The following RYR3 variants were observed in gnomAD, a reference collection of about 807,000 sequenced individuals.
RYR3 encodes brain ryanodine receptor-calcium release channel.
In RYR3, 207 loss-of-function variants were observed where a neutral mutation model predicts 584.3. The ratio of observed to expected loss-of-function variants is 0.35; its 90% CI spans 0.32 to 0.40. RYR3 has a LOEUF of 0.40. RYR3 is among the 10% of genes least tolerant of loss of function. The pLI is 1.00. For missense variants in RYR3, 5,616 were observed against 6,089.2 expected (o/e 0.92, Z 2.59); for synonymous variants, 2,416 against 2,248.5 (o/e 1.07, Z -2.11).
At chr15:33,637,820 A>G (rs2061576805) in intron 27 of RYR3, among the ~76,000 whole-genome samples, 1 of 151,800 alleles carries the variant, frequency 6.6e-6, no homozygotes, top group East Asian at 1.9e-4. Context: ...TTATTATTAT[A>G]CTTTAAGTTT....
chr15:33,698,627 G>T (rs1879361), intron 40 of RYR3, among the ~76,000 whole-genome samples: 36 of 151,046 alleles, frequency 2.4e-4, no homozygotes, highest in African/African-American at 7.5e-4. Context: ...AGAGTGCCAG[G>T]GTCCTAGGAA....
chr15:33,831,847 G>T (rs2077697195), intron 86 of RYR3, among the ~76,000 whole-genome samples: 1 of 152,094 alleles, frequency 6.6e-6, no homozygotes, highest in African/African-American at 2.4e-5. Flanking sequence ...GGAGACTCAT[G>T]AATAGGGCTT....
intron 1 of RYR3, among the ~76,000 whole-genome samples, chr15:33,402,218 G>C (rs901469373): frequency 6.6e-6 from 1 of 152,118 alleles, no homozygotes; most frequent in African/African-American, 2.4e-5. Context: ...GAAATTATAA[G>C]ACACTAATAA....
At chr15:33,507,946 C>T (rs1199594449) in intron 3 of RYR3, among the ~76,000 whole-genome samples, 1 of 152,158 alleles carries the variant, frequency 6.6e-6, no homozygotes, top group East Asian at 1.9e-4. Context: ...TCCACTTCCT[C>T]CTGTTATACG....
intron 5 of RYR3, among the ~76,000 whole-genome samples, chr15:33,538,371 G>C (rs1373041597): frequency 6.6e-6 from 1 of 152,126 alleles, no homozygotes; most frequent in Non-Finnish European, 1.5e-5. Flanking sequence ...AGCTAGTTTG[G>C]CTTCCCTAAA....
In RYR3 at chr15:33,672,147, A is replaced by C. The variant is rs2063886192; in HGVS notation, c.5860+1591A>C. ...CCTTCTTTTTAACAGAGAGTTTGTCATGGCTGGCGGGGGGTGGGGTCCCAC... is the reference window on the plus strand; with the variant it reads ...CCTTCTTTTTAACAGAGAGTTTGTCCTGGCTGGCGGGGGGTGGGGTCCCAC... On this transcript the variant is annotated intron_variant, in intron 38 of 103. Transcript: ENST00000634891. 2.6e-5 allele frequency among the ~76,000 whole-genome samples: 4 copies of C among 152,126 alleles called. 1 individual carries two copies. The highest frequency in any genetic ancestry group is 4.2e-4 in the South Asian group (2 of 4,816).
chr15:33,535,272 AACCGTGTGT>A (rs1339245428), intron 5 of RYR3, among the ~76,000 whole-genome samples: 1 of 152,214 alleles, frequency 6.6e-6, no homozygotes, highest in Non-Finnish European at 1.5e-5. Flanking sequence ...CCAGCATCCA[AACCGTGTGT>A]ACTTGCTGTT....
intron 98 of RYR3, among the ~76,000 whole-genome samples, chr15:33,855,160 G>C (rs191542329): frequency 1.3e-5 from 2 of 151,976 alleles, no homozygotes; most frequent in Admixed American, 6.5e-5. Context: ...GATCAACCAG[G>C]AGAGGGAGGG....
intron 1 of RYR3, among the ~76,000 whole-genome samples, chr15:33,366,229 G>A (rs116253270): frequency 0.011 from 1,621 of 152,182 alleles, 32 homozygotes; most frequent in African/African-American, 0.037. Flanking sequence ...AAAAATATGG[G>A]TTGATTATTT....
At position 33,756,246 on chromosome 15, in the gene RYR3, G is replaced by C. The variant is rs141819435; in HGVS notation, c.8516-60G>C. 6.7e-4 allele frequency: 773 copies of C among 1,153,062 alleles called. 8 individuals are homozygous for C. In the East Asian group the frequency reaches 0.017, roughly 26 times the overall value. The allele number at this position is 1,153,062 out of a possible 1,614,324, so 71.4% of individuals were successfully genotyped here. ...AGAAAAGCTGCTCTGTTTCTAAAAT[G>C]TTGTGACTGATTTTTACTTCGTAAC... On this transcript the variant is annotated intron_variant, in intron 58 of 103. Transcript: ENST00000634891.
chr15:33,699,969 AT>A (rs2066180749), intron 41 of RYR3, 136 bp downstream of exon 41: 1 of 846,704 alleles, frequency 1.2e-6, no homozygotes, highest in Non-Finnish European at 1.8e-6. Context: ...ACTCTGCCTG[AT>A]TTAAAACAAT....
intron 31 of RYR3, among the ~76,000 whole-genome samples, chr15:33,650,315 T>C (rs1389388985): frequency 6.6e-6 from 1 of 152,122 alleles, no homozygotes; most frequent in African/African-American, 2.4e-5. Flanking sequence ...AGGTGAATGT[T>C]GCAGTGAGCC....
intron 14 of RYR3, 150 bp downstream of exon 14, chr15:33,581,793 C>T (rs2058608036): frequency 1.4e-6 from 1 of 693,342 alleles, no homozygotes; most frequent in Admixed American, 2.7e-5. Context: ...CAATTTTAAC[C>T]CAGCTGTTCA....
intron 1 of RYR3, among the ~76,000 whole-genome samples, chr15:33,467,672 C>T (rs2048596532): frequency 6.6e-6 from 1 of 152,180 alleles, no homozygotes; most frequent in Non-Finnish European, 1.5e-5. Flanking sequence ...CACTCAACAC[C>T]ACCACAAGCT....
intron 38 of RYR3, among the ~76,000 whole-genome samples, chr15:33,687,905 A>G (rs895629619): frequency 3.9e-5 from 6 of 152,200 alleles, no homozygotes; most frequent in African/African-American, 1.4e-4. Flanking sequence ...CTTAGACAAA[A>G]ATCAATTCAA....
intron 67 of RYR3, among the ~76,000 whole-genome samples, chr15:33,796,596 A>T (rs965339701): frequency 6.6e-6 from 1 of 152,198 alleles, no homozygotes; most frequent in African/African-American, 2.4e-5. Context: ...AAGGGTTACA[A>T]GTACAGTTTT....
At chr15:33,681,717 C>G (rs921954799) in intron 38 of RYR3, among the ~76,000 whole-genome samples, 3 of 152,082 alleles carry the variant, frequency 2.0e-5, no homozygotes, top group African/African-American at 7.2e-5. Flanking sequence ...TTTTCTTTTC[C>G]CATTGTAATG....
At chr15:33,716,597 A>C (rs555608292) in intron 43 of RYR3, among the ~76,000 whole-genome samples, 1 of 152,322 alleles carries the variant, frequency 6.6e-6, no homozygotes, top group South Asian at 2.1e-4. Context: ...TAAAGAAGCC[A>C]ATGGCAAACC....
chr15:33,590,330 G>A (rs610686), intron 16 of RYR3, among the ~76,000 whole-genome samples: 104,371 of 151,500 alleles, frequency 0.69, 36,478 homozygotes, highest in African/African-American at 0.82. Flanking sequence ...GAGGCCTGAA[G>A]GTAATGTGGT....
Sources: allele counts gnomAD v4.1 joint callset (sites outside exome capture counted in the v4.1 genomes callset), GRCh38; gene constraint gnomAD v4.1.1; transcripts MANE v1.5; gene names NCBI Gene and HGNC (gene_info 2026-07-23, HGNC 2026-07-21).